The following HDAC9 variants were observed in gnomAD, a reference collection of about 807,000 sequenced individuals.
The protein encoded by HDAC9 is MEF-2 interacting transcription repressor (MITR) protein.
Under a neutral mutation model 139.4 loss-of-function variants are expected in HDAC9, and 41 were observed. That is an observed-to-expected ratio of 0.29 (90% CI 0.23 to 0.38). HDAC9 has a LOEUF of 0.38. Among genes scored for constraint, HDAC9 ranks in the 10% least tolerant of loss-of-function variants. The pLI is 1.00. For missense variants in HDAC9, 1,147 were observed against 1,297.0 expected, an observed-to-expected ratio of 0.88 and a Z score of 1.78; for synonymous variants, 517 against 476.2, an observed-to-expected ratio of 1.09 and a Z score of -1.12.
rs143505172 is a variant in HDAC9, at chr7:18,615,001, G to C, written c.665-14349G>C. 1.6e-3 allele frequency among the ~76,000 whole-genome samples: 243 copies of C among 152,252 alleles called. 4 individuals are homozygous for C. The East Asian group carries it at 0.038, about 24-fold the overall frequency. Reference sequence around the variant, plus strand: ...TGACTTTAACTTTTAGAAATGCAAAGCATGCTGAAATTGTACATAATTCTC... The same window carrying C: ...TGACTTTAACTTTTAGAAATGCAAACCATGCTGAAATTGTACATAATTCTC... On this transcript the variant is annotated intron_variant, in intron 6 of 25. Coordinates refer to ENST00000686413, the MANE Select transcript of HDAC9 (RefSeq NM_178425.4).
chr7:18,621,673 C>G (rs962599873), intron 6 of HDAC9, among the ~76,000 whole-genome samples: 1 of 152,076 alleles, frequency 6.6e-6, no homozygotes, highest in East Asian at 1.9e-4. Flanking sequence ...GAAATAGTTA[C>G]ATTAGAAATT....
intron 1 of HDAC9, among the ~76,000 whole-genome samples, chr7:18,090,920 A>G (rs1329860844): frequency 1.3e-5 from 2 of 152,180 alleles, no homozygotes; most frequent in Admixed American, 1.3e-4. Context: ...CTCTCCTTCA[A>G]ATCCCACTAG....
chr7:18,955,961 G>A (rs1225585450), intron 24 of HDAC9, among the ~76,000 whole-genome samples: 3 of 152,082 alleles, frequency 2.0e-5, no homozygotes, highest in African/African-American at 7.2e-5. Context: ...AAACTCTACT[G>A]TTGCCTTTTA....
At chr7:18,826,359 C>T (rs888436186) in intron 17 of HDAC9, among the ~76,000 whole-genome samples, 2 of 149,790 alleles carry the variant, frequency 1.3e-5, no homozygotes, top group East Asian at 2.0e-4. Context: ...GGAGAAGCAG[C>T]GTTTTGAGGT....
At chr7:18,606,096 C>T (rs1835420940) in intron 6 of HDAC9, among the ~76,000 whole-genome samples, 1 of 152,210 alleles carries the variant, frequency 6.6e-6, no homozygotes, top group Non-Finnish European at 1.5e-5. Context: ...ACTCCATTGG[C>T]TTCTGCTCAC....
chr7:18,344,143 A>C (rs1782223711), intron 1 of HDAC9, among the ~76,000 whole-genome samples: 2 of 151,896 alleles, frequency 1.3e-5, no homozygotes, highest in South Asian at 2.1e-4. Flanking sequence ...GTGAAAAATT[A>C]GGGTATTTCA....
chr7:18,788,758 A>G (rs909018387), intron 16 of HDAC9, among the ~76,000 whole-genome samples: 8 of 151,552 alleles, frequency 5.3e-5, no homozygotes, highest in African/African-American at 1.9e-4. Flanking sequence ...CTGTTTAAAA[A>G]AAAAAAAAAA....
chr7:18,148,902 A>C (rs948251532), intron 1 of HDAC9, among the ~76,000 whole-genome samples: 2 of 152,196 alleles, frequency 1.3e-5, no homozygotes, highest in African/African-American at 4.8e-5. Context: ...GAGGTAATAT[A>C]ATCAAAGGTT....
At chr7:18,295,382 A>C (rs942570500) in intron 1 of HDAC9, among the ~76,000 whole-genome samples, 1 of 151,940 alleles carries the variant, frequency 6.6e-6, no homozygotes, top group Non-Finnish European at 1.5e-5. Flanking sequence ...AATTGGTATC[A>C]TGGAGCTCAT....
intron 1 of HDAC9, among the ~76,000 whole-genome samples, chr7:18,484,863 A>C (rs1283757071): frequency 6.6e-6 from 1 of 152,006 alleles, no homozygotes; most frequent in Non-Finnish European, 1.5e-5. Flanking sequence ...TAAAAAAAAA[A>C]AAAAGGAAAA....
At position 18,448,045 on chromosome 7, in the gene HDAC9, G is replaced by T. The variant is rs182892608; in HGVS notation, c.-41-48217G>T. On this transcript the variant is annotated intron_variant, in intron 1 of 3. Coordinates refer to the HDAC9 transcript ENST00000413509. ...TAGTAGAGAGGAGGTTTCACCAAGT[G>T]GGCCAGGCTGGTCTCCAACTCCAAC... is the stretch of plus-strand genomic sequence containing the variant. 7.9e-5 allele frequency among the ~76,000 whole-genome samples: 12 copies of T among 152,116 alleles called. No individual in the cohort carries two copies. In the East Asian group the frequency reaches 2.3e-3, roughly 29 times the overall value.
At chr7:18,798,032 C>G (rs1326204308) in intron 17 of HDAC9, among the ~76,000 whole-genome samples, 1 of 151,884 alleles carries the variant, frequency 6.6e-6, no homozygotes, top group Non-Finnish European at 1.5e-5. Flanking sequence ...TCCCTTTGCA[C>G]CATAATTTAT....
rs1304283398 is a variant in HDAC9, at chr7:18,628,472, A to C, written c.665-878A>C. ...AATTGTTATGAGAAATATCCTTTTC[A>C]TGATGATCATTACCACCACCATCAC... is the stretch of plus-strand genomic sequence containing the variant. On this transcript the variant is annotated intron_variant, in intron 6 of 25. Coordinates refer to ENST00000686413, the MANE Select transcript of HDAC9 (RefSeq NM_178425.4). 3.3e-5 allele frequency among the ~76,000 whole-genome samples: 5 copies of C among 152,198 alleles called. No individual in the cohort carries two copies. The East Asian group carries it at 9.6e-4, about 29-fold the overall frequency.
intron 22 of HDAC9, among the ~76,000 whole-genome samples, chr7:18,932,316 TAATTTTTTCTA>T (rs1804817637): frequency 2.0e-5 from 3 of 152,214 alleles, no homozygotes; most frequent in African/African-American, 7.2e-5. Flanking sequence ...GATGCCATGA[TAATTTTTTCTA>T]AATGTTGAAT....
chr7:18,280,721 C>T lies in HDAC9; in HGVS notation c.25+118372C>T, dbSNP rs578198195. ...AAGGTGACAGTGAGCCATGATTGTTCCACTGTATTCCAGCCTGGGTGACAG... is the reference window on the plus strand; with the variant it reads ...AAGGTGACAGTGAGCCATGATTGTTTCACTGTATTCCAGCCTGGGTGACAG... On this transcript the variant is annotated intron_variant, in intron 2 of 12. Coordinates refer to the HDAC9 transcript ENST00000417496. Among the ~76,000 whole-genome samples, 5 of 151,556 alleles carry T rather than the reference C, an allele frequency of 3.3e-5. No homozygotes were observed. In the East Asian group the frequency reaches 9.7e-4, roughly 29 times the overall value.
At chr7:18,879,533 A>G (rs1346393772) in intron 22 of HDAC9, among the ~76,000 whole-genome samples, 2 of 152,164 alleles carry the variant, frequency 1.3e-5, no homozygotes, top group South Asian at 2.1e-4. Context: ...CTGATCTTTG[A>G]CAAAACTGCC....
intron 2 of HDAC9, among the ~76,000 whole-genome samples, chr7:18,582,917 G>A (rs1828272746): frequency 6.6e-6 from 1 of 151,958 alleles, no homozygotes; most frequent in Non-Finnish European, 1.5e-5. Context: ...TATACAATGG[G>A]GCATTGTACA....
chr7:18,500,673 G>C (rs150519773), intron 2 of HDAC9, among the ~76,000 whole-genome samples: 1 of 152,216 alleles, frequency 6.6e-6, no homozygotes, highest in East Asian at 1.9e-4. Context: ...TCAGAGCAGC[G>C]TACTAAATTG....
At chr7:18,263,691 C>G (rs148777943) in intron 2 of HDAC9, among the ~76,000 whole-genome samples, 3,593 of 151,898 alleles carry the variant, frequency 0.024, 67 homozygotes, top group Middle Eastern at 0.037. Flanking sequence ...TCACTGCAAC[C>G]TCCACCTCCC....
Sources: gnomAD v4.1 joint callset for allele counts (sites outside exome capture counted in the v4.1 genomes callset) on GRCh38, gnomAD v4.1.1 for gene constraint, MANE v1.5 for transcripts, NCBI Gene and HGNC (gene_info 2026-07-23, HGNC 2026-07-21) for gene names.